Variants in TBC1D9B observed in about 807,000 individuals in gnomAD.
The protein encoded by TBC1D9B is TBC1 domain family member 9B, also known as TBC1 domain family, member 9B (with GRAM domain).
In TBC1D9B, 87 loss-of-function variants were observed where a neutral mutation model predicts 121.1. The observed-to-expected ratio is 0.72, with a 90% CI of 0.60 to 0.86. The LOEUF is 0.86. TBC1D9B is among the 40% of genes least tolerant of loss of function. The probability of loss-of-function intolerance (pLI) is 0.00; values close to 1 mark genes in which losing one functional copy is unlikely to be tolerated. For synonymous variants in TBC1D9B, 668 were observed against 670.1 expected (o/e 1.00, Z 0.05); for missense variants, 1,540 against 1,628.6 (o/e 0.95, Z 0.94).
At chr5:179,872,848 G>GGCCCCCCCCCCCCACCCCCCCC in intron 14 of TBC1D9B, 44 bp downstream of exon 14, 1 of 1,457,254 alleles carries the variant, frequency 6.9e-7, no homozygotes. Context: ...AGGCACTGCT[G>GGCCCCCCCCCCCCACCCCCCCC]CCCCCCCAGC....
At chr5:179,871,197 G>A (rs1433921333) in intron 15 of TBC1D9B, among the ~76,000 whole-genome samples, 1 of 152,122 alleles carries the variant, frequency 6.6e-6, no homozygotes, top group East Asian at 1.9e-4. Context: ...GCAATACAGG[G>A]GCAATGTATT....
intron 18 of TBC1D9B, chr5:179,867,421 C>T (rs377763553): frequency 4.7e-5 from 73 of 1,548,472 alleles, no homozygotes; most frequent in East Asian, 7.3e-5. Flanking sequence ...GTACAGGGGG[C>T]GCCCCTGCCT....
chr5:179,907,786 A>T lies in TBC1D9B; in HGVS notation c.36T>A (p.Asn12Lys). 1 of 1,224,952 alleles carries T rather than the reference A, an allele frequency of 8.2e-7. No homozygotes were observed. Among genetic ancestry groups the T allele is most frequent in the Non-Finnish European group, 1.0e-6 (1 of 954,932 alleles). The allele number at this position is 1,224,952 out of a possible 1,614,324, so 75.9% of individuals were successfully genotyped here. The change falls in exon 1 of 21, where the codon AAT becomes AAA. Residue 12 changes from asparagine (N) to lysine (K), a missense_variant. Coordinates refer to ENST00000355235, the MANE Select transcript of TBC1D9B (RefSeq NM_015043.4). This position sits in a 1 kb window ranked among gnomAD's most constrained non-coding sequence, Gnocchi z 5.3. ...TGGCCCGCTCCGTCACCCACAGCGC[A>T]TTGGCCACCAGCACCTCCTCCGGGC... ...WLSPEEVLVA[N>K]ALWVTERANP...
At position 179,894,451 on chromosome 5, in the gene TBC1D9B, C is replaced by T. The variant is rs369089602; in HGVS notation, c.512G>A (p.Arg171Gln). Residue 171 changes from arginine (R) to glutamine (Q), a missense_variant, in exon 4 of 21, where the codon CGG (arginine) becomes CAG (glutamine). By Grantham distance (43) the Arg-to-Gln change is conservative. Coordinates refer to ENST00000355235, the MANE Select transcript of TBC1D9B (RefSeq NM_015043.4). ...SCSYWKGRVP[R>Q]QGWLYLTVNH... ...GACCGTCAGGTACAGCCAGCCCTGC[C>T]GGGGCACGCGGCCCTTCCAGTAGCT... 6.1e-5 allele frequency: 98 copies of T among 1,614,088 alleles called. No individual in the cohort carries two copies. Among genetic ancestry groups the T allele is most frequent in the Admixed American group, 1.3e-4 (8 of 60,008 alleles).
Position 179,881,311 on chromosome 5 carries a change from C to T in TBC1D9B, c.1255-1522G>A, listed in dbSNP as rs77888273. Reference sequence around the variant, plus strand: ...ATAAACCTCCAAAACCACTTGCCATCCTTGCATCCCACTGAACCACACTTC... The same window carrying T: ...ATAAACCTCCAAAACCACTTGCCATTCTTGCATCCCACTGAACCACACTTC... On this transcript the variant is annotated intron_variant, in intron 7 of 20. Coordinates refer to ENST00000355235, the MANE Select transcript of TBC1D9B (RefSeq NM_015043.4). Among the ~76,000 whole-genome samples the T allele has an allele frequency of 4.8e-3, 724 of 152,318 alleles. 3 individuals are homozygous for T. Among genetic ancestry groups the T allele is most frequent in the African/African-American group, 0.016 (684 of 41,558 alleles).
In TBC1D9B at chr5:179,879,684, C is replaced by T; in HGVS notation, c.1360G>A (p.Gly454Ser). Residue 454 changes from glycine to serine, a missense_variant, in exon 8 of 21, where the codon GGC becomes AGC. Transcript: ENST00000355235. ...CAQEAPTASQ[G>S]LLKLFQKNSP... is the part of the protein sequence containing the mutation. ...TTTTTCTGGAAGAGCTTCAGCAGGC[C>T]CTGGGATGCGGTTGGCGCCTCCTGC... 6.2e-7 allele frequency: 1 copy of T among 1,614,160 alleles called. No homozygotes were observed. Among genetic ancestry groups the T allele is most frequent in the Non-Finnish European group, 8.5e-7 (1 of 1,180,024 alleles).
rs1339330999 is a variant in TBC1D9B, at chr5:179,874,960, T to C, written c.2128A>G (p.Asn710Asp). Residue 710 changes from asparagine to aspartate, a missense_variant, in exon 12 of 21, where the codon AAC becomes GAC. Transcript: ENST00000355235. The surrounding 1 kb of genome is among the most constrained non-coding windows in gnomAD (Gnocchi z 4.3). ...CTGCAGCCCAGCAGCTGCTCCATGT[T>C]GGCGTCCAGGACGGCCAGGGCCACC... ...LQVALAVLDA[N>D]MEQLLGCSDE... The C allele has an allele frequency of 6.2e-7, 1 of 1,613,784 alleles. No individual in the cohort carries two copies.
Position 179,907,814 on chromosome 5 carries a change from A to C in TBC1D9B, c.8T>G (p.Leu3Arg). 8.4e-7 allele frequency: 1 copy of C among 1,186,932 alleles called. No homozygotes were observed. Among genetic ancestry groups the C allele is most frequent in the Non-Finnish European group, 1.1e-6 (1 of 933,872 alleles). The allele number at this position is 1,186,932 out of a possible 1,614,324, so 73.5% of individuals were successfully genotyped here. Residue 3 changes from leucine to arginine, a missense_variant, in exon 1 of 21, where the codon CTG becomes CGG. Transcript: ENST00000355235. The surrounding 1 kb of genome is among the most constrained non-coding windows in gnomAD (Gnocchi z 5.3). ...GGCCACCAGCACCTCCTCCGGGCTC[A>C]GCCACATCGCGGAGCCGCTCGCACC... MW[L>R]SPEEVLVANA...
In TBC1D9B at chr5:179,863,866, C is replaced by T. The variant is rs1160055298; in HGVS notation, c.3284G>A (p.Gly1095Asp). The change falls in exon 21 of 21, where the codon GGC becomes GAC. Residue 1095 changes from glycine (G) to aspartate (D), a missense_variant. Transcript: ENST00000355235. The surrounding 1 kb of genome is among the most constrained non-coding windows in gnomAD (Gnocchi z 4.5). ...PAAGDPQAKAGGDTHLGKAPQ... is the reference protein window; with the variant it reads ...PAAGDPQAKADGDTHLGKAPQ... ...GGCTTTTCCGAGGTGTGTGTCTCCG[C>T]CTGCTTTGGCTTGGGGGTCTCCTGC... 2 of 1,613,226 alleles carry T rather than the reference C, an allele frequency of 1.2e-6. No individual in the cohort carries two copies. The highest frequency in any genetic ancestry group is 1.1e-5 in the South Asian group (1 of 91,058).
intron 7 of TBC1D9B, among the ~76,000 whole-genome samples, chr5:179,886,871 A>G (rs549023724): frequency 6.6e-6 from 1 of 152,372 alleles, no homozygotes; most frequent in East Asian, 1.9e-4. Context: ...GGAATCAAAG[A>G]CGACCAGTGT....
chr5:179,899,244 A>C lies in TBC1D9B; in HGVS notation c.293T>G (p.Leu98Arg), dbSNP rs1451519253. The part of the protein sequence containing the change: ...EWLENNLLQT[L>R]SIFDSEEDIT... ...ATCTTCCTCACTGTCGAAGATGGAC[A>C]GTGTCTGGAGCAAGTTATTTTCCAG... The change falls in exon 3 of 21, where the codon CTG becomes CGG. Residue 98 changes from leucine to arginine, a missense_variant. Transcript: ENST00000355235. 1.2e-6 allele frequency: 2 copies of C among 1,614,156 alleles called. No individual in the cohort carries two copies. The highest frequency in any genetic ancestry group is 1.7e-6 in the Non-Finnish European group (2 of 1,180,024).
At chr5:179,879,913 C>G in intron 7 of TBC1D9B, 124 bp from the exon 8 acceptor site, 1 of 1,188,538 alleles carries the variant, frequency 8.4e-7, no homozygotes, top group East Asian at 2.6e-5. Context: ...GCAAACGGTG[C>G]ACGGAGAAGA....
intron 3 of TBC1D9B, among the ~76,000 whole-genome samples, chr5:179,896,746 A>C (rs1761032629): frequency 6.6e-6 from 1 of 151,478 alleles, no homozygotes; most frequent in Non-Finnish European, 1.5e-5. Context: ...CTGGTCTTAA[A>C]CTCCTGGCCT....
rs1444718393 is a variant in TBC1D9B at position 179,865,002 on chromosome 5, C to T, written c.3021+252G>A. ...CGCATATCTTGTCAAAGGTAGCCTA[C>T]AAGCCTCTGGCTCCTGGTTCACAGA... On this transcript the variant is annotated intron_variant, in intron 20 of 20. Coordinates refer to ENST00000355235, the MANE Select transcript of TBC1D9B (RefSeq NM_015043.4). The surrounding 1 kb of genome is among the most constrained non-coding windows in gnomAD (Gnocchi z 5.1). 2.0e-5 allele frequency among the ~76,000 whole-genome samples: 3 copies of T among 152,212 alleles called. No individual in the cohort carries two copies. The highest frequency in any genetic ancestry group is 6.5e-5 in the Admixed American group (1 of 15,280).
intron 7 of TBC1D9B, among the ~76,000 whole-genome samples, chr5:179,887,458 G>A (rs375981771): frequency 2.6e-5 from 4 of 152,238 alleles, no homozygotes; most frequent in South Asian, 2.1e-4. Flanking sequence ...AAAACCAGAC[G>A]ATGAGAGACT....
At chr5:179,880,918 C>T (rs979820858) in intron 7 of TBC1D9B, among the ~76,000 whole-genome samples, 2 of 152,198 alleles carry the variant, frequency 1.3e-5, no homozygotes, top group South Asian at 4.1e-4. Context: ...CTGCTTCCCA[C>T]CTGAGCTCCC....
chr5:179,863,865 G>A lies in TBC1D9B; in HGVS notation c.3285C>T (p.Gly1095=), dbSNP rs528086730. Residue 1095 remains glycine, a synonymous_variant, in exon 21 of 21, where the codon GGC becomes GGT. Transcript: ENST00000355235. The surrounding 1 kb of genome is among the most constrained non-coding windows in gnomAD (Gnocchi z 4.5). ...PAAGDPQAKA[G]GDTHLGKAPQ... ...GGGCTTTTCCGAGGTGTGTGTCTCCGCCTGCTTTGGCTTGGGGGTCTCCTG... is the reference window on the plus strand; with the variant it reads ...GGGCTTTTCCGAGGTGTGTGTCTCCACCTGCTTTGGCTTGGGGGTCTCCTG... 50 of 1,613,036 alleles carry A rather than the reference G, an allele frequency of 3.1e-5. No homozygotes were observed. The highest frequency in any genetic ancestry group is 1.3e-4 in the East Asian group (6 of 44,854).
chr5:179,870,671 C>T, intron 15 of TBC1D9B, 176 bp from the exon 16 acceptor site: 1 of 979,808 alleles, frequency 1.0e-6, no homozygotes, highest in Non-Finnish European at 1.5e-6. Context: ...TCATCAGCCC[C>T]TTGTTAACAG....
At chr5:179,899,100 C>T in intron 3 of TBC1D9B, 89 bp downstream of exon 3, 4 of 1,107,444 alleles carry the variant, frequency 3.6e-6, no homozygotes, top group Non-Finnish European at 5.3e-6. Flanking sequence ...TGGGGACGCA[C>T]CCTACATCGT....
Sources: gnomAD v4.1 joint callset for allele counts (sites outside exome capture counted in the v4.1 genomes callset) on GRCh38, gnomAD v4.1.1 for gene constraint, Gnocchi (gnomAD v3.1) non-coding constraint, MANE v1.5 for transcripts, NCBI Gene and HGNC (gene_info 2026-07-23, HGNC 2026-07-21) for gene names.